Variants in PDE3A observed in about 807,000 individuals in gnomAD.
PDE3A encodes the protein cGMP-inhibited 3',5'-cyclic phosphodiesterase 3A.
PDE3A carries 43 observed loss-of-function variants against 98.3 expected under a neutral mutation model. The ratio of observed to expected loss-of-function variants is 0.44; its 90% CI spans 0.34 to 0.56. PDE3A has a LOEUF of 0.56. PDE3A is among the 20% of genes least tolerant of loss of function. PDE3A has a pLI of 0.01. For missense variants in PDE3A, 1,427 were observed against 1,440.7 expected, an observed-to-expected ratio of 0.99 and a Z score of 0.15; for synonymous variants, 663 against 567.9, an observed-to-expected ratio of 1.17 and a Z score of -2.38.
At chr12:20,569,595 C>A (rs1185213498) in intron 2 of PDE3A, among the ~76,000 whole-genome samples, 1 of 152,094 alleles carries the variant, frequency 6.6e-6, no homozygotes, top group African/African-American at 2.4e-5. Context: ...TGCACATTTA[C>A]ATTTTGACAT....
intron 1 of PDE3A, among the ~76,000 whole-genome samples, chr12:20,549,677 C>T (rs926697244): frequency 1.3e-5 from 2 of 151,932 alleles, no homozygotes; most frequent in Non-Finnish European, 2.9e-5. Context: ...CCATAGTGTA[C>T]ATTTTAAAAT....
chr12:20,677,205 CCTGT>C (rs1308606038), intron 15 of PDE3A, among the ~76,000 whole-genome samples: 1 of 151,956 alleles, frequency 6.6e-6, no homozygotes, highest in Non-Finnish European at 1.5e-5. Flanking sequence ...TGTTTTTATA[CCTGT>C]CTCTTTAGTA....
intron 1 of PDE3A, among the ~76,000 whole-genome samples, chr12:20,541,988 G>A (rs1185951510): frequency 1.3e-5 from 2 of 152,010 alleles, no homozygotes; most frequent in Admixed American, 6.6e-5. Context: ...GGCACAAATC[G>A]GCTTTAGAGG....
intron 1 of PDE3A, among the ~76,000 whole-genome samples, chr12:20,451,526 G>T: frequency 6.6e-6 from 1 of 151,966 alleles, no homozygotes; most frequent in East Asian, 1.9e-4. Context: ...CGCCCACCTT[G>T]GCCTTCCAGG....
intron 15 of PDE3A, among the ~76,000 whole-genome samples, chr12:20,679,523 C>G (rs1412714053): frequency 6.6e-6 from 1 of 152,288 alleles, no homozygotes; most frequent in East Asian, 1.9e-4. Flanking sequence ...CTGGGATTCA[C>G]AGACGTGAGC....
intron 2 of PDE3A, among the ~76,000 whole-genome samples, chr12:20,562,443 C>T (rs933912907): frequency 3.3e-5 from 5 of 151,890 alleles, no homozygotes; most frequent in African/African-American, 4.8e-5. Context: ...TGATTTCGAT[C>T]TCCTGACCTC....
intron 1 of PDE3A, among the ~76,000 whole-genome samples, chr12:20,532,192 A>G (rs966865339): frequency 6.6e-6 from 1 of 152,204 alleles, no homozygotes; most frequent in African/African-American, 2.4e-5. Flanking sequence ...AGCTATAAAT[A>G]AAAGGGATAG....
At chr12:20,472,454 T>G (rs184781627) in intron 1 of PDE3A, among the ~76,000 whole-genome samples, 1 of 152,290 alleles carries the variant, frequency 6.6e-6, no homozygotes, top group East Asian at 1.9e-4. Flanking sequence ...TCTAGAAACT[T>G]GAAGAGAGAT....
intron 1 of PDE3A, among the ~76,000 whole-genome samples, chr12:20,544,950 A>G (rs554901797): frequency 5.3e-5 from 8 of 152,162 alleles, no homozygotes; most frequent in South Asian, 2.1e-4. Flanking sequence ...TCAAGCTTTA[A>G]CATGCTAACA....
intron 3 of PDE3A, 112 bp downstream of exon 3, chr12:20,613,812 G>C (rs950697724): frequency 1.4e-6 from 1 of 732,236 alleles, no homozygotes. Context: ...AGTGACTCAG[G>C]CAAAATGTGT....
At chr12:20,512,154 A>C (rs193298000) in intron 1 of PDE3A, among the ~76,000 whole-genome samples, 24 of 152,124 alleles carry the variant, frequency 1.6e-4, no homozygotes, top group African/African-American at 5.1e-4. Context: ...ATATCTGAGT[A>C]AAATATTGGT....
At chr12:20,624,070 G>T (rs966329150) in intron 5 of PDE3A, among the ~76,000 whole-genome samples, 17 of 152,024 alleles carry the variant, frequency 1.1e-4, no homozygotes, top group African/African-American at 4.1e-4. Context: ...GCTCAAAAAG[G>T]GGGTTCAGAT....
chr12:20,543,136 G>A (rs1266313807), intron 1 of PDE3A, among the ~76,000 whole-genome samples: 1 of 151,870 alleles, frequency 6.6e-6, no homozygotes, highest in Non-Finnish European at 1.5e-5. Context: ...ATAATGCCTT[G>A]TTTAAATATT....
intron 1 of PDE3A, among the ~76,000 whole-genome samples, chr12:20,443,488 C>G (rs1438208734): frequency 6.6e-6 from 1 of 152,058 alleles, no homozygotes; most frequent in Non-Finnish European, 1.5e-5. Context: ...AGGATACAGA[C>G]ATGAAATTAG....
In PDE3A at chr12:20,617,095, C is replaced by T. The variant is rs551605248; in HGVS notation, c.1424+711C>T. Among the ~76,000 whole-genome samples the T allele has an allele frequency of 9.2e-5, 14 of 151,988 alleles. No homozygotes were observed. The East Asian group carries it at 2.3e-3, about 25-fold the overall frequency. ...ATTCATTAATTGTGAGAACATTTAC[C>T]GTATGATTTCAGGTTTTTGAAACAC... On this transcript the variant is annotated intron_variant, in intron 4 of 15. Coordinates refer to ENST00000359062, the MANE Select transcript of PDE3A (RefSeq NM_000921.5).
chr12:20,647,475 T>C (rs185333302), intron 12 of PDE3A, among the ~76,000 whole-genome samples: 3 of 152,280 alleles, frequency 2.0e-5, no homozygotes, highest in African/African-American at 7.2e-5. Flanking sequence ...TGAATAAATT[T>C]AAAGTTCATC....
chr12:20,622,544 T>C (rs1214387873), intron 5 of PDE3A, among the ~76,000 whole-genome samples: 2 of 152,190 alleles, frequency 1.3e-5, no homozygotes, highest in Admixed American at 6.5e-5. Flanking sequence ...GAAATGTTCA[T>C]TAAATTTTGT....
At chr12:20,625,179 C>G (rs1944232778) in intron 5 of PDE3A, among the ~76,000 whole-genome samples, 1 of 152,094 alleles carries the variant, frequency 6.6e-6, no homozygotes, top group South Asian at 2.1e-4. Flanking sequence ...TATGCAGTTA[C>G]TAATATAAAA....
Position 20,378,797 on chromosome 12 carries a change from A to G in PDE3A, c.960+8553A>G, listed in dbSNP as rs115641855. Among the ~76,000 whole-genome samples the G allele has an allele frequency of 5.3e-3, 809 of 151,756 alleles. 7 individuals carry two copies. Among genetic ancestry groups the G allele is most frequent in the African/African-American group, 0.018 (758 of 41,434 alleles). The stretch of plus-strand genomic sequence containing the variant: ...CTAATTTTGAAGTTGATTTAAATTA[A>G]TATAGAGGTTGTTCTGGTACTTTTT... On this transcript the variant is annotated intron_variant, in intron 1 of 15. Transcript: ENST00000359062.
Sources: allele counts gnomAD v4.1 joint callset (sites outside exome capture counted in the v4.1 genomes callset), GRCh38; gene constraint gnomAD v4.1.1; transcripts MANE v1.5; gene names NCBI Gene and HGNC (gene_info 2026-07-23, HGNC 2026-07-21).